The following TAFA5 variants were observed in gnomAD, a reference collection of about 807,000 sequenced individuals.
The protein encoded by TAFA5 is chemokine-like protein TAFA-5.
A neutral mutation model predicts 15.3 loss-of-function variants in TAFA5; 6 were observed. That is an observed-to-expected ratio of 0.39 (90% CI 0.21 to 0.77). The LOEUF is 0.77. Among genes scored for constraint, TAFA5 ranks in the 30% least tolerant of loss-of-function variants. The probability of loss-of-function intolerance (pLI) is 0.41; values close to 1 mark genes in which losing one functional copy is unlikely to be tolerated. For synonymous variants in TAFA5, 103 were observed against 80.7 expected (o/e 1.28, Z -1.48); for missense variants, 161 against 193.1 (o/e 0.83, Z 0.98).
chr22:48,584,964 CAG>C (rs973111487), intron 1 of TAFA5, among the ~76,000 whole-genome samples: 1 of 144,838 alleles, frequency 6.9e-6, no homozygotes, highest in African/African-American at 2.6e-5. Context: ...ACACACCACA[CAG>C]AAAATACATC....
intron 2 of TAFA5, among the ~76,000 whole-genome samples, chr22:48,654,555 G>A (rs536971743): frequency 1.3e-5 from 2 of 152,366 alleles, no homozygotes; most frequent in East Asian, 3.9e-4. Context: ...ACCCCAGGCT[G>A]TGCTGCCCAG....
chr22:48,648,905 A>G (rs1569063570), intron 2 of TAFA5, among the ~76,000 whole-genome samples: 1 of 152,200 alleles, frequency 6.6e-6, no homozygotes, highest in Non-Finnish European at 1.5e-5. Context: ...GATCCTCCAA[A>G]GCCAGATAGA....
intron 2 of TAFA5, among the ~76,000 whole-genome samples, chr22:48,670,806 A>G (rs932868720): frequency 2.6e-5 from 4 of 152,320 alleles, no homozygotes; most frequent in African/African-American, 4.8e-5. Flanking sequence ...GATGGAGACC[A>G]TCAGGAGCCG....
At chr22:48,576,481 A>T in intron 1 of TAFA5, 1 of 1,471,118 alleles carries the variant, frequency 6.8e-7, no homozygotes, top group Non-Finnish European at 9.1e-7. Context: ...GGACTCCGCG[A>T]TGCAGCTCCT....
chr22:48,571,270 GCTT>G (rs1395014971), intron 1 of TAFA5, among the ~76,000 whole-genome samples: 1 of 115,864 alleles, frequency 8.6e-6, no homozygotes. Flanking sequence ...GTTGTTGTTT[GCTT>G]TTTTTTTTTT....
chr22:48,574,511 A>T (rs1318285937), intron 1 of TAFA5, among the ~76,000 whole-genome samples: 1 of 151,552 alleles, frequency 6.6e-6, no homozygotes. Flanking sequence ...GATCTATCTG[A>T]CCTCCAAGAG....
chr22:48,602,920 A>G (rs1177391727), intron 1 of TAFA5, among the ~76,000 whole-genome samples: 4 of 152,174 alleles, frequency 2.6e-5, no homozygotes, highest in Non-Finnish European at 5.9e-5. Flanking sequence ...TATGAGGCCG[A>G]TGCCCCTGAG....
At chr22:48,713,472 C>A (rs1386060642) in intron 3 of TAFA5, among the ~76,000 whole-genome samples, 1 of 152,240 alleles carries the variant, frequency 6.6e-6, no homozygotes, top group Non-Finnish European at 1.5e-5. Context: ...TCTCGTCTTG[C>A]CATAAACTGC....
rs533075149 is a variant in TAFA5, at chr22:48,704,685, A to T, written c.263-3032A>T. Reference sequence around the variant, plus strand: ...AGCACAGTTGCTTTTTCTCGGAGGGAGACACTGATTCTCAGCTGGAGTTTC... The same window carrying T: ...AGCACAGTTGCTTTTTCTCGGAGGGTGACACTGATTCTCAGCTGGAGTTTC... On this transcript the variant is annotated intron_variant, in intron 2 of 3. Coordinates refer to ENST00000402357, the MANE Select transcript of TAFA5 (RefSeq NM_001082967.3). Among the ~76,000 whole-genome samples, 394 of 149,784 alleles carry T rather than the reference A, an allele frequency of 2.6e-3. 3 individuals carry two copies. Among genetic ancestry groups the T allele is most frequent in the African/African-American group, 9.1e-3 (368 of 40,492 alleles).
At chr22:48,536,047 C>T (rs1922150210) in intron 1 of TAFA5, among the ~76,000 whole-genome samples, 1 of 152,256 alleles carries the variant, frequency 6.6e-6, no homozygotes, top group Non-Finnish European at 1.5e-5. Flanking sequence ...GTCGAGCCCC[C>T]GCCACAGAGC....
intron 1 of TAFA5, chr22:48,539,331 C>T (rs190983265): frequency 1.3e-5 from 6 of 469,414 alleles, no homozygotes; most frequent in East Asian, 7.0e-5. Flanking sequence ...GAGGCAAAGC[C>T]GATACCCTAA....
chr22:48,678,669 G>A (rs893131155), intron 2 of TAFA5, among the ~76,000 whole-genome samples: 13 of 151,962 alleles, frequency 8.6e-5, no homozygotes, highest in Middle Eastern at 3.4e-3. Flanking sequence ...CCCACAGGAC[G>A]GAAGCCCTGC....
chr22:48,584,719 C>G (rs1467719816), intron 1 of TAFA5, among the ~76,000 whole-genome samples: 2 of 149,882 alleles, frequency 1.3e-5, no homozygotes, highest in African/African-American at 4.9e-5. Flanking sequence ...GCACCACACA[C>G]CCCACACGCA....
At chr22:48,580,396 G>T (rs1160113449) in intron 1 of TAFA5, among the ~76,000 whole-genome samples, 1 of 152,240 alleles carries the variant, frequency 6.6e-6, no homozygotes, top group Non-Finnish European at 1.5e-5. Flanking sequence ...TATTTTTTAA[G>T]AAATGGATAG....
intron 1 of TAFA5, among the ~76,000 whole-genome samples, chr22:48,535,621 C>T (rs970524582): frequency 6.6e-6 from 1 of 151,320 alleles, no homozygotes; most frequent in Non-Finnish European, 1.5e-5. Context: ...CACATGGTCA[C>T]ACCGGCACAT....
intron 3 of TAFA5, among the ~76,000 whole-genome samples, chr22:48,732,777 G>A (rs935042894): frequency 3.9e-5 from 6 of 152,136 alleles, no homozygotes; most frequent in Non-Finnish European, 8.8e-5. Context: ...AGAGTCAATC[G>A]ATACAGCAAA....
chr22:48,491,723 C>T (rs1928161188), intron 1 of TAFA5, among the ~76,000 whole-genome samples: 1 of 152,238 alleles, frequency 6.6e-6, no homozygotes, highest in Non-Finnish European at 1.5e-5. Context: ...GACGGGCTCA[C>T]ACCTTCCTGA....
chr22:48,691,792 T>G (rs1446154177), intron 2 of TAFA5, among the ~76,000 whole-genome samples: 1 of 152,204 alleles, frequency 6.6e-6, no homozygotes, highest in Non-Finnish European at 1.5e-5. Context: ...CGGCTGACGT[T>G]GAGTCTCGTG....
chr22:48,531,221 A>G (rs2147112832), intron 1 of TAFA5, among the ~76,000 whole-genome samples: 1 of 152,340 alleles, frequency 6.6e-6, no homozygotes, highest in South Asian at 2.1e-4. Flanking sequence ...CATGGAGCTC[A>G]GATGTGTGGC....
Sources: allele counts gnomAD v4.1 joint callset (sites outside exome capture counted in the v4.1 genomes callset), GRCh38; gene constraint gnomAD v4.1.1; transcripts MANE v1.5; gene names NCBI Gene and HGNC (gene_info 2026-07-23, HGNC 2026-07-21).